Variants in ANO4 observed in about 807,000 individuals in gnomAD.
ANO4 encodes anoctamin 4, also known as anoctamin-4.
A neutral mutation model predicts 141.9 loss-of-function variants in ANO4; 69 were observed. The observed-to-expected ratio is 0.49, with a 90% CI of 0.40 to 0.59. ANO4 has a LOEUF of 0.59. Ranked by LOEUF, ANO4 falls within the 20% of genes least tolerant of loss-of-function variation. ANO4 has a pLI of 0.00. For missense variants in ANO4, 894 were observed against 1,162.2 expected, an observed-to-expected ratio of 0.77 and a Z score of 3.36; for synonymous variants, 350 against 394.3, an observed-to-expected ratio of 0.89 and a Z score of 1.33.
chr12:100,849,556 G>A (rs554098022), intron 1 of ANO4, among the ~76,000 whole-genome samples: 81 of 152,270 alleles, frequency 5.3e-4, no homozygotes, highest in African/African-American at 1.8e-3. Context: ...ATATAAATGA[G>A]TGAGTACACA....
chr12:101,059,049 T>A (rs1405812581), intron 14 of ANO4, among the ~76,000 whole-genome samples: 1 of 152,236 alleles, frequency 6.6e-6, no homozygotes, highest in Non-Finnish European at 1.5e-5. Context: ...AATACCTAGT[T>A]TACTGAGAGT....
intron 7 of ANO4, among the ~76,000 whole-genome samples, chr12:100,975,692 C>T (rs1355285201): frequency 1.3e-5 from 2 of 151,938 alleles, no homozygotes; most frequent in South Asian, 4.1e-4. Context: ...CCGCCCACCT[C>T]GGCCTCCCAA....
chr12:101,011,322 T>C (rs1002466343), intron 8 of ANO4, among the ~76,000 whole-genome samples: 12 of 150,624 alleles, frequency 8.0e-5, no homozygotes, highest in South Asian at 2.1e-4. Context: ...TTTTTTCTTT[T>C]TTTTTTTTTT....
intron 3 of ANO4, among the ~76,000 whole-genome samples, chr12:100,777,071 G>T (rs1310480999): frequency 6.6e-6 from 1 of 150,578 alleles, no homozygotes; most frequent in Non-Finnish European, 1.5e-5. Flanking sequence ...ACAGAGCCAG[G>T]ACTAGAAACC....
At chr12:100,933,066 G>C (rs2042144764) in intron 3 of ANO4, among the ~76,000 whole-genome samples, 1 of 151,028 alleles carries the variant, frequency 6.6e-6, no homozygotes, top group Non-Finnish European at 1.5e-5. Context: ...TCTATTACTT[G>C]AGTTGCATGG....
At chr12:100,870,357 A>G (rs1247583517) in intron 1 of ANO4, among the ~76,000 whole-genome samples, 2 of 152,202 alleles carry the variant, frequency 1.3e-5, no homozygotes, top group African/African-American at 4.8e-5. Context: ...TTCTTTAGTT[A>G]TCCTTATCAT....
chr12:101,099,689 C>T lies in ANO4; in HGVS notation c.2118C>T (p.Ala706=), dbSNP rs2050119048. Residue 706 remains alanine (A), a synonymous_variant, in exon 22 of 28, where the codon GCC becomes GCT. Transcript: ENST00000392977. ...ACTATAACCTTCAGCCGATGAATGC[C>T]TATGGACTCTTCGATGAATACTTAG... The part of the protein sequence containing the change: ...EKDYNLQPMN[A]YGLFDEYLEM... 2 of 1,587,636 alleles carry T rather than the reference C, an allele frequency of 1.3e-6. No homozygotes were observed. The highest frequency in any genetic ancestry group is 1.9e-5 in the Admixed American group (1 of 51,848).
intron 1 of ANO4, among the ~76,000 whole-genome samples, chr12:100,798,812 C>G (rs535866392): frequency 6.6e-6 from 1 of 152,192 alleles, no homozygotes; most frequent in Non-Finnish European, 1.5e-5. Context: ...AATGTAAAAA[C>G]ACATAATGAC....
At chr12:101,069,281 A>G (rs978360471) in intron 14 of ANO4, 1 of 904,622 alleles carries the variant, frequency 1.1e-6, no homozygotes, top group Non-Finnish European at 1.9e-6. Context: ...AAGAAAGCCA[A>G]ACATCACTTG....
At chr12:100,988,559 A>T (rs1322664807) in intron 8 of ANO4, among the ~76,000 whole-genome samples, 1 of 146,310 alleles carries the variant, frequency 6.8e-6, no homozygotes, top group Non-Finnish European at 1.5e-5. Flanking sequence ...AAAAAAAAAA[A>T]AAGGTTGCTG....
chr12:100,892,141 G>A (rs2040136653), intron 1 of ANO4, among the ~76,000 whole-genome samples: 1 of 152,082 alleles, frequency 6.6e-6, no homozygotes, highest in African/African-American at 2.4e-5. Flanking sequence ...CATTTTCTCT[G>A]TCAATTTTTC....
At chr12:101,126,822 T>C (rs2051334539) in intron 26 of ANO4, 57 bp from the exon 27 acceptor site, 1 of 1,519,814 alleles carries the variant, frequency 6.6e-7, no homozygotes, top group African/African-American at 1.4e-5. Context: ...GCCAACTCTC[T>C]AACCTCATTC....
intron 2 of ANO4, among the ~76,000 whole-genome samples, chr12:100,911,407 G>A (rs1481925045): frequency 3.9e-5 from 6 of 152,168 alleles, no homozygotes; most frequent in Non-Finnish European, 8.8e-5. Flanking sequence ...TAAATTAAAA[G>A]CCCTGCAGTA....
At chr12:100,780,939 G>A (rs2033693130) in intron 3 of ANO4, among the ~76,000 whole-genome samples, 1 of 152,114 alleles carries the variant, frequency 6.6e-6, no homozygotes, top group African/African-American at 2.4e-5. Context: ...TTATTTTAAG[G>A]CATTAATAAT....
chr12:101,062,978 C>T (rs1593165358), intron 14 of ANO4, among the ~76,000 whole-genome samples: 1 of 152,204 alleles, frequency 6.6e-6, no homozygotes, highest in Non-Finnish European at 1.5e-5. Context: ...CAAAAGGCTG[C>T]CCAGCTTTGT....
chr12:100,727,824 C>T (rs2031196716), intron 1 of ANO4, among the ~76,000 whole-genome samples: 1 of 152,136 alleles, frequency 6.6e-6, no homozygotes, highest in South Asian at 2.1e-4. Flanking sequence ...CCTACCCCAT[C>T]CTTACCCCTT....
intron 3 of ANO4, among the ~76,000 whole-genome samples, chr12:100,923,811 T>C (rs753753985): frequency 3.3e-5 from 5 of 152,194 alleles, no homozygotes; most frequent in Non-Finnish European, 7.3e-5. Flanking sequence ...GTTTCCTGGC[T>C]TTTTAATGAT....
intron 1 of ANO4, among the ~76,000 whole-genome samples, chr12:100,847,969 A>C (rs967258801): frequency 6.6e-6 from 1 of 152,222 alleles, no homozygotes; most frequent in Non-Finnish European, 1.5e-5. Flanking sequence ...TATGTGCTGT[A>C]TGGCTATGAA....
intron 1 of ANO4, among the ~76,000 whole-genome samples, chr12:100,900,097 C>A (rs2040521688): frequency 6.6e-6 from 1 of 151,854 alleles, no homozygotes. Flanking sequence ...AGTTCTCACT[C>A]AGAAAGAAAG....
Sources: allele counts gnomAD v4.1 joint callset (sites outside exome capture counted in the v4.1 genomes callset), GRCh38; gene constraint gnomAD v4.1.1; transcripts MANE v1.5; gene names NCBI Gene and HGNC (gene_info 2026-07-23, HGNC 2026-07-21).